BRCA2: variants seen among roughly 807,000 people sequenced by gnomAD.
BRCA2 encodes breast cancer type 2 susceptibility protein.
A neutral mutation model predicts 276.7 loss-of-function variants in BRCA2; 203 were observed. The ratio of observed to expected loss-of-function variants is 0.73; its 90% CI spans 0.65 to 0.82. The LOEUF (loss-of-function observed/expected upper bound fraction) is 0.82, where lower values mean the gene tolerates loss of function less well. BRCA2 is among the 40% of genes least tolerant of loss of function. The pLI is 0.00. For synonymous variants in BRCA2, 1,289 were observed against 1,338.4 expected, an observed-to-expected ratio of 0.96 and a Z score of 0.81; for missense variants, 3,920 against 3,915.0, an observed-to-expected ratio of 1.00 and a Z score of -0.03.
chr13:32,392,822 C>G (rs966427529), intron 24 of BRCA2, among the ~76,000 whole-genome samples: 1 of 151,888 alleles, frequency 6.6e-6, no homozygotes, highest in Non-Finnish European at 1.5e-5. Context: ...ACCCTGTTTC[C>G]CCTTTTTTGT....
At chr13:32,335,726 T>C (rs1484808197) in intron 10 of BRCA2, among the ~76,000 whole-genome samples, 1 of 152,142 alleles carries the variant, frequency 6.6e-6, no homozygotes, top group East Asian at 1.9e-4. Context: ...ATTGAGTTGG[T>C]AACTATTATT....
chr13:32,351,308 C>G (rs957293176), intron 13 of BRCA2, among the ~76,000 whole-genome samples: 3 of 151,974 alleles, frequency 2.0e-5, no homozygotes, highest in Non-Finnish European at 1.5e-5. Context: ...TACGTGCCAT[C>G]TTTGAGAGCT....
chr13:32,320,776 G>T (rs541958242), intron 3 of BRCA2, among the ~76,000 whole-genome samples: 1 of 152,198 alleles, frequency 6.6e-6, no homozygotes, highest in African/African-American at 2.4e-5. Flanking sequence ...AATATTTGTA[G>T]AGTGAGTATT....
At chr13:32,383,549 G>A (rs1316594912) in intron 24 of BRCA2, among the ~76,000 whole-genome samples, 2 of 152,104 alleles carry the variant, frequency 1.3e-5, no homozygotes, top group Non-Finnish European at 1.5e-5. Flanking sequence ...TGATGGTGTG[G>A]GCATGAAGTA....
chr13:32,399,869 C>T lies in BRCA2; in HGVS notation c.*1099C>T. ...GCATGATCCTGGCTCACTGCAGCCT[C>T]CACTTCCCGGGTTCACGTAATTCTC... On this transcript the variant is annotated 3_prime_UTR_variant, in exon 27 of 27. Transcript: ENST00000380152. 1 of 151,594 alleles carries T rather than the reference C, an allele frequency of 6.6e-6. No homozygotes were observed. The highest frequency in any genetic ancestry group is 1.9e-4 in the East Asian group (1 of 5,218). The allele number at this position is 151,594 out of a possible 1,614,324, so 9.4% of individuals were successfully genotyped here.
At chr13:32,392,661 C>T (rs1047527186) in intron 24 of BRCA2, among the ~76,000 whole-genome samples, 3 of 151,882 alleles carry the variant, frequency 2.0e-5, no homozygotes, top group Admixed American at 6.6e-5. Context: ...TTGCAAAAAT[C>T]GTGGAATTTC....
In BRCA2 at chr13:32,398,266, G is replaced by T. The variant is rs730881576; in HGVS notation, c.9753G>T (p.Lys3251Asn). ...CTGTCTCAGCCCAGATGACTTCAAA[G>T]TCTTGTAAAGGGGAGAAAGAGATTG... ...STPVSAQMTSKSCKGEKEIDD... is the reference protein window; with the variant it reads ...STPVSAQMTSNSCKGEKEIDD... The change falls in exon 27 of 27, where the codon AAG (lysine) becomes AAT (asparagine). Residue 3251 changes from lysine (K) to asparagine (N), a missense_variant. Physicochemically the swap from Lys to Asn is moderately conservative, Grantham distance 94 (BLOSUM62 0). Transcript: ENST00000380152. The T allele has an allele frequency of 6.2e-7, 1 of 1,614,000 alleles. No individual in the cohort carries two copies. The highest frequency in any genetic ancestry group is 1.3e-5 in the African/African-American group (1 of 74,908).
intron 18 of BRCA2, among the ~76,000 whole-genome samples, chr13:32,364,290 A>G (rs1034954219): frequency 6.6e-6 from 1 of 152,174 alleles, no homozygotes; most frequent in Admixed American, 6.5e-5. Flanking sequence ...CTCAAGTAAT[A>G]TAAGACATAT....
intron 2 of BRCA2, among the ~76,000 whole-genome samples, chr13:32,318,073 A>G (rs2072276576): frequency 6.6e-6 from 1 of 152,142 alleles, no homozygotes; most frequent in African/African-American, 2.4e-5. Context: ...AACTGGCATT[A>G]TTATTACTAT....
In BRCA2 at chr13:32,329,411, A is replaced by G. The variant is rs1234307738; in HGVS notation, c.632-32A>G. On this transcript the variant is annotated intron_variant, in intron 7 of 26. Coordinates refer to ENST00000380152, the MANE Select transcript of BRCA2 (RefSeq NM_000059.4). The stretch of plus-strand genomic sequence containing the variant: ...AATAAGTTTTTGCATTCTAGTGATA[A>G]TATACAATACACATAAATTTTTATC... The G allele has an allele frequency of 4.0e-6, 6 of 1,514,290 alleles. No individual in the cohort carries two copies. In the Middle Eastern group the frequency reaches 8.6e-4, roughly 218 times the overall value. The allele number at this position is 1,514,290 out of a possible 1,614,324, so 93.8% of individuals were successfully genotyped here. A position where few individuals can be genotyped will look rare whatever the true frequency, so the allele number is the denominator to read the frequency against.
intron 25 of BRCA2, among the ~76,000 whole-genome samples, chr13:32,395,344 A>G (rs552067377): frequency 6.6e-6 from 1 of 152,332 alleles, no homozygotes; most frequent in African/African-American, 2.4e-5. Context: ...ACTTGATTTA[A>G]TCCCAGATAA....
Position 32,340,881 on chromosome 13 carries a change from A to G in BRCA2, c.6526A>G (p.Asn2176Asp). The G allele has an allele frequency of 6.2e-7, 1 of 1,605,128 alleles. No homozygotes were observed. Among genetic ancestry groups the G allele is most frequent in the Non-Finnish European group, 8.5e-7 (1 of 1,177,740 alleles). The change falls in exon 11 of 27, where the codon AAC (asparagine) becomes GAC (aspartate). Residue 2176 changes from asparagine (N) to aspartate (D), a missense_variant. By Grantham distance (23) the Asn-to-Asp change is conservative. Coordinates refer to ENST00000380152, the MANE Select transcript of BRCA2 (RefSeq NM_000059.4). ...VLGTKVSLVE[N>D]IHVLGKEQAS... ...AGGAACCAAAGTGTCACTTGTTGAGAACATTCATGTTTTGGGAAAAGAACA... is the reference window on the plus strand; with the variant it reads ...AGGAACCAAAGTGTCACTTGTTGAGGACATTCATGTTTTGGGAAAAGAACA...
At chr13:32,327,733 G>A (rs1195606126) in intron 7 of BRCA2, among the ~76,000 whole-genome samples, 3 of 150,326 alleles carry the variant, frequency 2.0e-5, no homozygotes, top group Non-Finnish European at 4.4e-5. Context: ...CTGAGATTTG[G>A]CTAATCATGA....
chr13:32,398,350 A>G lies in BRCA2; in HGVS notation c.9837A>G (p.Leu3279=), dbSNP rs730881598. The part of the protein sequence containing the change: ...RALDFLSRLP[L]PPPVSPICTF... ...TGGATTTCTTGAGTAGACTGCCTTT[A>G]CCTCCACCTGTTAGTCCCATTTGTA... Residue 3279 remains leucine (L), a synonymous_variant, in exon 27 of 27, where the codon TTA becomes TTG. Coordinates refer to ENST00000380152, the MANE Select transcript of BRCA2 (RefSeq NM_000059.4). 1.2e-6 allele frequency: 2 copies of G among 1,614,096 alleles called. No homozygotes were observed. The highest frequency in any genetic ancestry group is 1.7e-6 in the Non-Finnish European group (2 of 1,180,012).
Position 32,394,939 on chromosome 13 carries a change from G to T in BRCA2, c.9501+6G>T, listed in dbSNP as rs863224600. 1 of 1,613,860 alleles carries T rather than the reference G, an allele frequency of 6.2e-7. No individual in the cohort carries two copies. The highest frequency in any genetic ancestry group is 8.5e-7 in the Non-Finnish European group (1 of 1,179,908). Reference sequence around the variant, plus strand: ...AAATGAAAAATACTGTTGAGGTAAGGTTACTTTTCAGCATCACCACACATT... The same window carrying T: ...AAATGAAAAATACTGTTGAGGTAAGTTTACTTTTCAGCATCACCACACATT... On this transcript the variant is annotated splice_donor_region_variant and intron_variant, in intron 25 of 26. Transcript: ENST00000380152.
rs80359063 is a variant in BRCA2, at chr13:32,363,373, G to A, written c.8171G>A (p.Gly2724Glu). ...GTGGCCATTATTGAACTTACAGATG[G>A]GTGGTATGCTGTTAAGGCCCAGTTA... Reference protein sequence around the residue: ...QKVAIIELTDGWYAVKAQLDP... With the variant: ...QKVAIIELTDEWYAVKAQLDP... The change falls in exon 18 of 27, where the codon GGG (glycine) becomes GAG (glutamate). Residue 2724 changes from glycine to glutamate, a missense_variant. By Grantham distance (98) the Gly-to-Glu change is moderately conservative (BLOSUM62 -2). Transcript: ENST00000380152. The A allele has an allele frequency of 6.2e-7, 1 of 1,613,990 alleles. No homozygotes were observed. The highest frequency in any genetic ancestry group is 1.3e-5 in the African/African-American group (1 of 74,896).
In BRCA2 at chr13:32,319,188, A is replaced by G. The variant is rs80358463; in HGVS notation, c.179A>G (p.Asn60Ser). The change falls in exon 3 of 27, where the codon AAC becomes AGC. Residue 60 changes from asparagine to serine, a missense_variant. Physicochemically the swap from Asn to Ser is conservative, Grantham distance 46. Around this residue, in one of 2 missense-constraint regions of BRCA2, gnomAD observed 3,263 missense variants for 3,156.9 expected, o/e 1.03. Transcript: ENST00000380152. ...CATAAAAACAACAATTACGAACCAA[A>G]CCTATTTAAAACTCCACAAAGGAAA... The part of the protein sequence containing the change: ...SEHKNNNYEP[N>S]LFKTPQRKPS... 5.1e-5 allele frequency: 83 copies of G among 1,613,988 alleles called. No homozygotes were observed. The highest frequency in any genetic ancestry group is 6.8e-5 in the Non-Finnish European group (80 of 1,179,962).
chr13:32,320,329 T>C (rs1247410741), intron 3 of BRCA2, among the ~76,000 whole-genome samples: 5 of 152,230 alleles, frequency 3.3e-5, no homozygotes, highest in Admixed American at 1.3e-4. Context: ...AAACTTGATA[T>C]GGCTTTCAAG....
rs2137662831 is a variant in BRCA2 at position 32,398,197 on chromosome 13, T to A, written c.9684T>A (p.Ser3228Arg). The part of the protein sequence containing the change: ...SSPNCEIYYQ[S>R]PLSLCMAKRK... The stretch of plus-strand genomic sequence containing the variant: ...CTAATTGTGAGATATATTATCAAAG[T>A]CCTTTATCACTTTGTATGGCCAAAA... The change falls in exon 27 of 27, where the codon AGT becomes AGA. Residue 3228 changes from serine to arginine, a missense_variant. Physicochemically the swap from Ser to Arg is moderately radical, Grantham distance 110. Around this residue, in one of 2 missense-constraint regions of BRCA2, gnomAD observed 657 missense variants for 758.2 expected, o/e 0.87. Coordinates refer to ENST00000380152, the MANE Select transcript of BRCA2 (RefSeq NM_000059.4). The A allele has an allele frequency of 6.2e-7, 1 of 1,612,000 alleles. No homozygotes were observed. Among genetic ancestry groups the A allele is most frequent in the South Asian group, 1.1e-5 (1 of 90,690 alleles).
Sources: allele counts gnomAD v4.1 joint callset (sites outside exome capture counted in the v4.1 genomes callset), GRCh38; gene constraint gnomAD v4.1.1; regional missense constraint gnomAD v4.1.1; transcripts MANE v1.5; gene names NCBI Gene and HGNC (gene_info 2026-07-23, HGNC 2026-07-21).